The following DNAL1 variants were observed in gnomAD, a reference collection of about 807,000 sequenced individuals.
DNAL1 encodes the protein chromosome 14 open reading frame 168.
In DNAL1, 17 loss-of-function variants were observed where a neutral mutation model predicts 29.4. That is an observed-to-expected ratio of 0.58 (90% CI 0.40 to 0.87). The LOEUF (loss-of-function observed/expected upper bound fraction) is 0.87. DNAL1 is among the 40% of genes least tolerant of loss of function. The pLI is 0.00. For synonymous variants in DNAL1, 78 were observed against 76.3 expected (o/e 1.02, Z -0.12); for missense variants, 188 against 214.1 (o/e 0.88, Z 0.76).
At chr14:73,662,293 G>C (rs935248877) in intron 4 of DNAL1, among the ~76,000 whole-genome samples, 65 of 152,128 alleles carry the variant, frequency 4.3e-4, no homozygotes, top group African/African-American at 1.5e-3. Context: ...TAGAATATCA[G>C]ATTTTTAATT....
chr14:73,685,364 A>C (rs1043876388), intron 5 of DNAL1, among the ~76,000 whole-genome samples: 1 of 152,134 alleles, frequency 6.6e-6, no homozygotes, highest in Non-Finnish European at 1.5e-5. Context: ...AGTATCATAC[A>C]GCATTTATCT....
Position 73,696,070 on chromosome 14 carries a change from T to C in DNAL1, c.*128T>C. 1 of 864,520 alleles carries C rather than the reference T, an allele frequency of 1.2e-6. No homozygotes were observed. The highest frequency in any genetic ancestry group is 1.7e-6 in the Non-Finnish European group (1 of 577,866). 53.6% of individuals were successfully genotyped at this position (864,520 alleles called of 1,614,324 possible). ...TTCTTAAGATAAAACAGATCACTCA[T>C]TCTCATCTTTTTTTTTCCTTTAACT... On this transcript the variant is annotated 3_prime_UTR_variant, in exon 8 of 8. Coordinates refer to ENST00000553645, the MANE Select transcript of DNAL1 (RefSeq NM_031427.4).
intron 1 of DNAL1, among the ~76,000 whole-genome samples, chr14:73,650,940 C>A (rs1225299596): frequency 6.6e-6 from 1 of 152,212 alleles, no homozygotes; most frequent in Non-Finnish European, 1.5e-5. Flanking sequence ...CCAAACCCAG[C>A]TGCTGAGAGC....
rs574861404 is a variant in DNAL1, at chr14:73,645,234, C to T, written c.3+192C>T. ...CGGGGGTGGTCTGTGGTGAGGGCGG[C>T]CTGGGGTGGATCGGAGGTTGGGTTA... is the stretch of plus-strand genomic sequence containing the variant. On this transcript the variant is annotated intron_variant, in intron 1 of 7. Transcript: ENST00000553645. 3.3e-5 allele frequency among the ~76,000 whole-genome samples: 5 copies of T among 151,786 alleles called. No homozygotes were observed. The East Asian group carries it at 9.7e-4, about 29-fold the overall frequency.
intron 1 of DNAL1, among the ~76,000 whole-genome samples, chr14:73,650,858 GCCTT>G (rs1163092804): frequency 6.6e-6 from 1 of 151,990 alleles, no homozygotes. Context: ...GCCTAGACTG[GCCTT>G]CAATTATGGG....
intron 6 of DNAL1, among the ~76,000 whole-genome samples, chr14:73,688,600 G>A (rs1399310100): frequency 6.6e-6 from 1 of 152,098 alleles, no homozygotes; most frequent in African/African-American, 2.4e-5. Flanking sequence ...TCCAGCCTGG[G>A]TGACAGAAGG....
intron 7 of DNAL1, among the ~76,000 whole-genome samples, chr14:73,695,089 T>C (rs1334720676): frequency 7.4e-6 from 1 of 135,638 alleles, no homozygotes; most frequent in African/African-American, 2.7e-5. Flanking sequence ...AGGGTCTTAC[T>C]CTGCCACCCA....
chr14:73,674,448 C>T (rs1008854287), intron 5 of DNAL1, among the ~76,000 whole-genome samples: 1 of 152,134 alleles, frequency 6.6e-6, no homozygotes, highest in Admixed American at 6.6e-5. Context: ...GACCCAATCA[C>T]GATGTGGGCT....
chr14:73,673,720 C>T (rs1891665541), intron 5 of DNAL1, among the ~76,000 whole-genome samples: 2 of 151,910 alleles, frequency 1.3e-5, no homozygotes, highest in Non-Finnish European at 2.9e-5. Flanking sequence ...AAGACTTCGT[C>T]TCTACTGAAA....
intron 7 of DNAL1, among the ~76,000 whole-genome samples, chr14:73,695,376 G>A (rs11624921): frequency 6.6e-6 from 1 of 151,758 alleles, no homozygotes. Flanking sequence ...TTTTATTTGC[G>A]ATTTGGCAGT....
intron 5 of DNAL1, among the ~76,000 whole-genome samples, chr14:73,679,869 G>T (rs1891836226): frequency 6.7e-6 from 1 of 149,138 alleles, no homozygotes; most frequent in East Asian, 2.2e-4. Flanking sequence ...ATGAGGCGCA[G>T]GTATCATGTC....
intron 5 of DNAL1, among the ~76,000 whole-genome samples, chr14:73,675,605 C>G (rs953780309): frequency 6.6e-6 from 1 of 152,012 alleles, no homozygotes; most frequent in Non-Finnish European, 1.5e-5. Context: ...ACTGTGAGGG[C>G]CTGGCCATTT....
intron 5 of DNAL1, among the ~76,000 whole-genome samples, chr14:73,683,715 A>C (rs1335463155): frequency 1.4e-5 from 2 of 138,632 alleles, no homozygotes; most frequent in African/African-American, 2.8e-5. Flanking sequence ...TATTATTATT[A>C]TTCTTTTGAG....
At chr14:73,677,243 T>C (rs972376290) in intron 5 of DNAL1, among the ~76,000 whole-genome samples, 1 of 152,120 alleles carries the variant, frequency 6.6e-6, no homozygotes, top group Non-Finnish European at 1.5e-5. Context: ...GTGCTGGGAT[T>C]ACAGGCATGA....
rs746133662 is a variant in DNAL1 at position 73,645,000 on chromosome 14, G to A, written c.-40G>A. 4 of 1,606,630 alleles carry A rather than the reference G, an allele frequency of 2.5e-6. No homozygotes were observed. The South Asian group carries it at 4.5e-5, about 18-fold the overall frequency. On this transcript the variant is annotated 5_prime_UTR_variant, in exon 1 of 8. Transcript: ENST00000553645. ...AGTGCGCACGCGCACTGACCCCGCG[G>A]GCCCTAGCAACCAGAGCAGTGACAG... is the stretch of plus-strand genomic sequence containing the variant.
chr14:73,657,266 AG>A (rs1310444346), intron 2 of DNAL1, among the ~76,000 whole-genome samples: 8 of 151,976 alleles, frequency 5.3e-5, no homozygotes, highest in Non-Finnish European at 1.2e-4. Flanking sequence ...GCTGAAGTGC[AG>A]TGAGCTCAAG....
intron 1 of DNAL1, among the ~76,000 whole-genome samples, chr14:73,650,083 A>G (rs1194797716): frequency 6.6e-6 from 1 of 152,158 alleles, no homozygotes; most frequent in Non-Finnish European, 1.5e-5. Flanking sequence ...TCCTGGGCTC[A>G]AATAGTCCCC....
chr14:73,647,080 A>G (rs1890991600), intron 1 of DNAL1, among the ~76,000 whole-genome samples: 1 of 152,050 alleles, frequency 6.6e-6, no homozygotes, highest in East Asian at 1.9e-4. Flanking sequence ...ATATTGGGGC[A>G]GGGCACGGTG....
At chr14:73,683,200 T>G (rs1891933901) in intron 5 of DNAL1, among the ~76,000 whole-genome samples, 1 of 152,094 alleles carries the variant, frequency 6.6e-6, no homozygotes, top group South Asian at 2.1e-4. Context: ...TTTTAATAAG[T>G]AGAAGGGGTA....
Sources: allele counts gnomAD v4.1 joint callset (sites outside exome capture counted in the v4.1 genomes callset), GRCh38; gene constraint gnomAD v4.1.1; transcripts MANE v1.5; gene names NCBI Gene and HGNC (gene_info 2026-07-23, HGNC 2026-07-21).